Variants in CA8 observed in about 807,000 individuals in gnomAD.
CA8 encodes the protein carbonic anhydrase 8 (inactive), also known as carbonic anhydrase-related protein.
Under a neutral mutation model 41.4 loss-of-function variants are expected in CA8, and 22 were observed. The observed-to-expected ratio is 0.53, with a 90% CI of 0.38 to 0.76. The LOEUF (loss-of-function observed/expected upper bound fraction) is 0.76. CA8 is among the 30% of genes least tolerant of loss of function. CA8 has a pLI of 0.00. For synonymous variants in CA8, 121 were observed against 130.6 expected, an observed-to-expected ratio of 0.93 and a Z score of 0.50; for missense variants, 270 against 352.8, an observed-to-expected ratio of 0.77 and a Z score of 1.88.
At chr8:60,249,155 C>T (rs974936134) in intron 3 of CA8, among the ~76,000 whole-genome samples, 1 of 151,976 alleles carries the variant, frequency 6.6e-6, no homozygotes, top group Non-Finnish European at 1.5e-5. Flanking sequence ...TTACATTTAA[C>T]CATTAATTTG....
Position 60,281,239 on chromosome 8 carries a change from G to A in CA8, c.-92C>T, listed in dbSNP as rs1214031187. ...GGAGCCGGAGCGGAGCGCGCGTGGG[G>A]GAGTGTGAGCACGCGTGAGCGGCAG... On this transcript the variant is annotated 5_prime_UTR_variant, in exon 1 of 9. Transcript: ENST00000317995. 2 of 885,394 alleles carry A rather than the reference G, an allele frequency of 2.3e-6. No individual in the cohort carries two copies. The highest frequency in any genetic ancestry group is 3.6e-6 in the Non-Finnish European group (2 of 557,274). 54.8% of individuals were successfully genotyped at this position (885,394 alleles called of 1,614,324 possible). A position where few individuals can be genotyped will look rare whatever the true frequency, so the allele number is the denominator to read the frequency against.
intron 1 of CA8, 21 bp downstream of exon 1, chr8:60,281,027 C>A: frequency 6.3e-7 from 1 of 1,578,266 alleles, no homozygotes. Flanking sequence ...ACCCCGGACA[C>A]CCCGACTCGC....
chr8:60,219,164 CT>C (rs66853476), intron 7 of CA8, among the ~76,000 whole-genome samples: 248 of 144,004 alleles, frequency 1.7e-3, no homozygotes, highest in Middle Eastern at 0.011. Context: ...GTTATTCTGC[CT>C]TTTTTTTTTT....
intron 8 of CA8, among the ~76,000 whole-genome samples, chr8:60,195,197 T>C (rs1390082548): frequency 6.6e-6 from 1 of 152,230 alleles, no homozygotes; most frequent in African/African-American, 2.4e-5. Flanking sequence ...AATGATGACC[T>C]CAAAGTATGG....
At chr8:60,204,223 T>C (rs976169345) in intron 8 of CA8, among the ~76,000 whole-genome samples, 4 of 152,220 alleles carry the variant, frequency 2.6e-5, no homozygotes, top group Non-Finnish European at 1.5e-5. Flanking sequence ...GTAAAAGGCA[T>C]GAAAGAACAT....
At chr8:60,220,784 C>A (rs1044648039) in intron 7 of CA8, among the ~76,000 whole-genome samples, 1 of 152,108 alleles carries the variant, frequency 6.6e-6, no homozygotes, top group Non-Finnish European at 1.5e-5. Context: ...CCTCCCCCGC[C>A]GTTAGGGTAG....
intron 2 of CA8, among the ~76,000 whole-genome samples, chr8:60,276,618 G>A (rs1293268194): frequency 2.0e-5 from 3 of 152,078 alleles, no homozygotes; most frequent in African/African-American, 7.2e-5. Flanking sequence ...GTAGACTCCA[G>A]GGGAATGAGG....
At chr8:60,280,970 G>A in intron 1 of CA8, 78 bp downstream of exon 1, 1 of 1,031,494 alleles carries the variant, frequency 9.7e-7, no homozygotes, top group East Asian at 2.4e-5. Flanking sequence ...CGCAGCGGCA[G>A]CAGGACTCGA....
intron 2 of CA8, among the ~76,000 whole-genome samples, chr8:60,270,251 A>G (rs958887287): frequency 6.6e-6 from 1 of 152,180 alleles, no homozygotes; most frequent in African/African-American, 2.4e-5. Flanking sequence ...AACCAGTAAG[A>G]AAGCTGCTAT....
chr8:60,214,337 A>G (rs1337818902), intron 7 of CA8, among the ~76,000 whole-genome samples: 3 of 152,158 alleles, frequency 2.0e-5, no homozygotes, highest in Admixed American at 6.5e-5. Context: ...TAACAAGGGA[A>G]GGACCCTCAT....
intron 8 of CA8, among the ~76,000 whole-genome samples, chr8:60,194,506 T>C (rs2130381149): frequency 6.6e-6 from 1 of 152,240 alleles, no homozygotes; most frequent in South Asian, 2.1e-4. Context: ...TCTGAGGATG[T>C]TATTTACTCA....
At chr8:60,263,572 A>T (rs933345355) in intron 3 of CA8, among the ~76,000 whole-genome samples, 1 of 152,152 alleles carries the variant, frequency 6.6e-6, no homozygotes, top group African/African-American at 2.4e-5. Context: ...CCATGTTCCC[A>T]AAAGGGTACC....
chr8:60,272,626 C>T (rs1756600394), intron 2 of CA8, among the ~76,000 whole-genome samples: 1 of 152,168 alleles, frequency 6.6e-6, no homozygotes, highest in Non-Finnish European at 1.5e-5. Flanking sequence ...TATCCAAATG[C>T]TATTCATCCA....
chr8:60,279,363 A>C (rs1386875326), intron 2 of CA8, among the ~76,000 whole-genome samples: 1 of 152,238 alleles, frequency 6.6e-6, no homozygotes, highest in Non-Finnish European at 1.5e-5. Context: ...GCTAATCAAC[A>C]ATTTTGGACA....
At chr8:60,249,097 A>G (rs1381931297) in intron 3 of CA8, among the ~76,000 whole-genome samples, 2 of 152,182 alleles carry the variant, frequency 1.3e-5, no homozygotes, top group Non-Finnish European at 2.9e-5. Flanking sequence ...ACAGTAAATT[A>G]TATCTCAATA....
intron 8 of CA8, among the ~76,000 whole-genome samples, chr8:60,202,525 G>GT (rs898827380): frequency 1.3e-5 from 2 of 152,068 alleles, no homozygotes; most frequent in African/African-American, 4.8e-5. Flanking sequence ...TCCATGAAGG[G>GT]TTTGTTAGCC....
At chr8:60,278,228 T>C (rs1804302381) in intron 2 of CA8, among the ~76,000 whole-genome samples, 1 of 152,194 alleles carries the variant, frequency 6.6e-6, no homozygotes, top group South Asian at 2.1e-4. Flanking sequence ...GGAGTATATG[T>C]GCTTAGTCAT....
chr8:60,259,902 T>C (rs1044296640), intron 3 of CA8, among the ~76,000 whole-genome samples: 2 of 152,160 alleles, frequency 1.3e-5, no homozygotes, highest in African/African-American at 2.4e-5. Context: ...ATCATAATAA[T>C]TATTACATTT....
Position 60,185,530 on chromosome 8 carries a change from T to C in CA8, c.*4491A>G, listed in dbSNP as rs1805939780. Among the ~76,000 whole-genome samples, 1 of 152,138 alleles carries C rather than the reference T, an allele frequency of 6.6e-6. No homozygotes were observed. The highest frequency in any genetic ancestry group is 1.9e-4 in the East Asian group (1 of 5,182). On this transcript the variant is annotated 3_prime_UTR_variant, in exon 9 of 9. Coordinates refer to ENST00000317995, the MANE Select transcript of CA8 (RefSeq NM_004056.6). ...TACAGACTCACACCCAGATACATCATAGTACGAAATCTGGGGCAGGGGGGA... is the reference window on the plus strand; with the variant it reads ...TACAGACTCACACCCAGATACATCACAGTACGAAATCTGGGGCAGGGGGGA...
Sources: allele counts gnomAD v4.1 joint callset (sites outside exome capture counted in the v4.1 genomes callset), GRCh38; gene constraint gnomAD v4.1.1; transcripts MANE v1.5; gene names NCBI Gene and HGNC (gene_info 2026-07-23, HGNC 2026-07-21).